HMCN1: variants seen among roughly 807,000 people sequenced by gnomAD.
HMCN1 encodes hemicentin 1, also known as hemicentin-1.
Under a neutral mutation model 625.9 loss-of-function variants are expected in HMCN1, and 321 were observed. That is an observed-to-expected ratio of 0.51 (90% CI 0.47 to 0.56). The LOEUF (loss-of-function observed/expected upper bound fraction) is 0.56. HMCN1 is among the 20% of genes least tolerant of loss of function. The probability of loss-of-function intolerance (pLI) is 0.00; values close to 1 mark genes in which losing one functional copy is unlikely to be tolerated. For missense variants in HMCN1, 6,588 were observed against 6,887.3 expected, an observed-to-expected ratio of 0.96 and a Z score of 1.54; for synonymous variants, 2,425 against 2,417.6, an observed-to-expected ratio of 1.00 and a Z score of -0.09.
intron 104 of HMCN1, among the ~76,000 whole-genome samples, chr1:186,181,420 A>G (rs1335992827): frequency 6.6e-6 from 1 of 152,168 alleles, no homozygotes; most frequent in Non-Finnish European, 1.5e-5. Context: ...TTTGTTTAAT[A>G]ATAGCAGATA....
At chr1:185,924,667 A>G (rs563478485) in intron 8 of HMCN1, among the ~76,000 whole-genome samples, 2 of 152,300 alleles carry the variant, frequency 1.3e-5, no homozygotes, top group African/African-American at 4.8e-5. Flanking sequence ...TTTATTTTGG[A>G]AAAACAATTT....
chr1:186,129,938 C>A, intron 83 of HMCN1, 28 bp from the exon 84 acceptor site: 1 of 1,612,046 alleles, frequency 6.2e-7, no homozygotes, highest in Non-Finnish European at 8.5e-7. Flanking sequence ...TACTGAGAGG[C>A]ACTTGTGTTG....
rs759786763 is a variant in HMCN1 at position 185,928,646 on chromosome 1, C to T, written c.1531C>T (p.Gln511Ter). Residue 511 changes from glutamine to a stop codon, truncating the protein, a stop_gained, in exon 10 of 107, where the codon CAG becomes TAG. Coordinates refer to ENST00000271588, the MANE Select transcript of HMCN1 (RefSeq NM_031935.3). LOFTEE classifies it high-confidence loss of function. ...AVSSAGTGRA[Q>*]TFFDVSEPPP... ...CAGCAGTGCAGGTACTGGACGGGCA[C>T]AGACATTTTTTGACGTATCAGGTAA... The T allele has an allele frequency of 2.5e-6, 4 of 1,613,426 alleles. No individual in the cohort carries two copies. Among genetic ancestry groups the T allele is most frequent in the Non-Finnish European group, 3.4e-6 (4 of 1,179,510 alleles).
At chr1:186,049,298 C>T (rs1462148864) in intron 42 of HMCN1, among the ~76,000 whole-genome samples, 1 of 152,074 alleles carries the variant, frequency 6.6e-6, no homozygotes, top group Admixed American at 6.6e-5. Context: ...TGAAATTTTA[C>T]CATTTGTTAC....
At chr1:186,055,835 A>G (rs144239004) in intron 45 of HMCN1, among the ~76,000 whole-genome samples, 161 bp downstream of exon 45, 2 of 152,010 alleles carry the variant, frequency 1.3e-5, no homozygotes, top group East Asian at 1.9e-4. Flanking sequence ...TTATCCTTCT[A>G]TGCCTGACCT....
Position 185,911,704 on chromosome 1 carries a change from A to G in HMCN1, c.824A>G (p.His275Arg), listed in dbSNP as rs368798833. The G allele has an allele frequency of 2.5e-6, 4 of 1,613,414 alleles. No homozygotes were observed. The highest frequency in any genetic ancestry group is 2.5e-6 in the Non-Finnish European group (3 of 1,179,430). Residue 275 changes from histidine to arginine, a missense_variant, in exon 6 of 107, where the codon CAT becomes CGT. By Grantham distance (29) the His-to-Arg change is conservative. Around this residue, in one of 3 missense-constraint regions of HMCN1, gnomAD observed 4,628 missense variants for 4,853.1 expected, o/e 0.95. Transcript: ENST00000271588. ...GKLIKKGFGLHELLNIHNSAK... is the reference protein window; with the variant it reads ...GKLIKKGFGLRELLNIHNSAK... ...CTGATAAAAAAGGGATTTGGCCTGC[A>G]TGAGCTATTAAATATCCATAACTCT... is the stretch of plus-strand genomic sequence containing the variant.
Position 186,166,741 on chromosome 1 carries a change from T to C in HMCN1, c.15440-67T>C, listed in dbSNP as rs1176528936. 2.5e-6 allele frequency: 4 copies of C among 1,610,948 alleles called. No individual in the cohort carries two copies. The Admixed American group carries it at 5.0e-5, about 20-fold the overall frequency. On this transcript the variant is annotated intron_variant, in intron 99 of 106. Coordinates refer to ENST00000271588, the MANE Select transcript of HMCN1 (RefSeq NM_031935.3). ...CCTTCACTGCTTTTTGTATCCCTAT[T>C]TCACCGCAGGTTCTTGGGCTGGGTG...
chr1:185,814,699 T>C (rs76615326), intron 1 of HMCN1, among the ~76,000 whole-genome samples: 1 of 145,662 alleles, frequency 6.9e-6, no homozygotes, highest in Non-Finnish European at 1.5e-5. Context: ...ATTATTTATT[T>C]TTTTTTTTTT....
At chr1:185,881,550 A>T (rs1209902250) in intron 4 of HMCN1, among the ~76,000 whole-genome samples, 1 of 152,178 alleles carries the variant, frequency 6.6e-6, no homozygotes, top group Admixed American at 6.5e-5. Flanking sequence ...AAAGGACAAC[A>T]TTCCAGTGGG....
At chr1:186,139,747 T>C (rs1649836949) in intron 89 of HMCN1, among the ~76,000 whole-genome samples, 1 of 152,166 alleles carries the variant, frequency 6.6e-6, no homozygotes, top group Non-Finnish European at 1.5e-5. Flanking sequence ...TGTATGAAAA[T>C]TTAGTGATGC....
At chr1:185,950,055 G>A (rs1470817869) in intron 11 of HMCN1, among the ~76,000 whole-genome samples, 14 of 151,788 alleles carry the variant, frequency 9.2e-5, no homozygotes, top group East Asian at 1.9e-4. Flanking sequence ...TAAATCAAGC[G>A]TGATCAGGGT....
chr1:185,995,288 T>C (rs1481256260), intron 24 of HMCN1, among the ~76,000 whole-genome samples: 1 of 152,096 alleles, frequency 6.6e-6, no homozygotes, highest in Admixed American at 6.6e-5. Context: ...TTTTTGTATG[T>C]TTACTTTTGA....
At chr1:185,863,207 G>T (rs1356054187) in intron 2 of HMCN1, among the ~76,000 whole-genome samples, 1 of 152,118 alleles carries the variant, frequency 6.6e-6, no homozygotes, top group Non-Finnish European at 1.5e-5. Context: ...GCACTCTGCT[G>T]CCATAAAGCC....
At chr1:186,095,221 GC>G in intron 67 of HMCN1, 21 bp from the exon 68 acceptor site, 2 of 1,612,604 alleles carry the variant, frequency 1.2e-6, no homozygotes, top group Non-Finnish European at 1.7e-6. Flanking sequence ...TCCAAATTTT[GC>G]CCATGTTGTT....
At chr1:185,918,734 G>A (rs551194012) in intron 6 of HMCN1, among the ~76,000 whole-genome samples, 5 of 152,236 alleles carry the variant, frequency 3.3e-5, no homozygotes, top group East Asian at 1.9e-4. Flanking sequence ...GAGGAGTAAC[G>A]TGGCTCATTA....
chr1:186,188,227 TG>T (rs1191940872), intron 106 of HMCN1, among the ~76,000 whole-genome samples: 3 of 152,196 alleles, frequency 2.0e-5, no homozygotes, highest in African/African-American at 7.2e-5. Flanking sequence ...TGGCTGCCAG[TG>T]TTGCCTGGAG....
chr1:186,160,720 G>T (rs955688268), intron 97 of HMCN1, among the ~76,000 whole-genome samples: 7 of 152,140 alleles, frequency 4.6e-5, no homozygotes, highest in African/African-American at 1.7e-4. Context: ...TTTCCATGTA[G>T]TTAAGCAGTT....
chr1:185,787,747 T>A lies in HMCN1; in HGVS notation c.268+52700T>A, dbSNP rs149188905. Among the ~76,000 whole-genome samples the A allele has an allele frequency of 2.0e-3, 311 of 152,306 alleles. 2 individuals are homozygous for A. Among genetic ancestry groups the A allele is most frequent in the African/African-American group, 7.0e-3 (289 of 41,554 alleles). ...AATGAGAGAAGGAAGCAAACTAACA[T>A]CCGTTGTGTAATTCTATGAGGCAGT... On this transcript the variant is annotated intron_variant, in intron 1 of 106. Coordinates refer to ENST00000271588, the MANE Select transcript of HMCN1 (RefSeq NM_031935.3).
intron 4 of HMCN1, among the ~76,000 whole-genome samples, chr1:185,906,676 C>A (rs987945071): frequency 6.6e-6 from 1 of 151,810 alleles, no homozygotes; most frequent in Non-Finnish European, 1.5e-5. Context: ...AAAATGACTT[C>A]CATCTTTATT....
Sources: allele counts gnomAD v4.1 joint callset (sites outside exome capture counted in the v4.1 genomes callset), GRCh38; gene constraint gnomAD v4.1.1; regional missense constraint gnomAD v4.1.1; transcripts MANE v1.5; gene names NCBI Gene and HGNC (gene_info 2026-07-23, HGNC 2026-07-21).